MARCHF1: variants seen among roughly 807,000 people sequenced by gnomAD.
The protein encoded by MARCHF1 is membrane associated ring-CH-type finger 1, also known as E3 ubiquitin-protein ligase MARCHF1.
A neutral mutation model predicts 54.2 loss-of-function variants in MARCHF1; 40 were observed. The observed-to-expected ratio is 0.74, with a 90% confidence interval of 0.57 to 0.96. MARCHF1 has a LOEUF of 0.96. Ranked by LOEUF, MARCHF1 falls within the 40% of genes least tolerant of loss-of-function variation. The pLI, the probability that MARCHF1 is intolerant of heterozygous loss-of-function variation, is 0.00. For synonymous variants in MARCHF1, 236 were observed against 236.3 expected, an observed-to-expected ratio of 1.00 and a Z score of 0.01; for missense variants, 586 against 656.5, an observed-to-expected ratio of 0.89 and a Z score of 1.17.
intron 8 of MARCHF1, among the ~76,000 whole-genome samples, chr4:163,582,278 T>G (rs1270562182): frequency 6.6e-6 from 1 of 152,208 alleles, no homozygotes; most frequent in Non-Finnish European, 1.5e-5. Context: ...AATGAGACTT[T>G]TATTAAGTAT....
rs58808830 is a variant in MARCHF1 at position 164,340,405 on chromosome 4, T to TTATATACATATATATATATA, written c.-323+43464_-323+43465insTATATATATATATGTATATA. The stretch of plus-strand genomic sequence containing the variant: ...ACAGCACATGCCACCAGGCCTTGAT[T>TTATATACATATATATATATA]TATATATAGATATATATATATATAT... On this transcript the variant is annotated intron_variant, in intron 1 of 9. Transcript: ENST00000514618. Among the ~76,000 whole-genome samples the TTATATACATATATATATATA allele has an allele frequency of 1.3e-3, 122 of 95,622 alleles. 2 individuals are homozygous for TTATATACATATATATATATA. The highest frequency in any genetic ancestry group is 4.0e-3 in the African/African-American group (111 of 27,850). The allele number at this position is 95,622 out of a possible 152,430, so 62.7% of individuals were successfully genotyped here.
intron 1 of MARCHF1, among the ~76,000 whole-genome samples, chr4:164,322,417 T>C (rs868660164): frequency 6.6e-6 from 1 of 151,944 alleles, no homozygotes; most frequent in Non-Finnish European, 1.5e-5. Context: ...ATTTAGTTTT[T>C]TGAGGAAAGT....
At chr4:163,718,278 G>A (rs1007842089) in intron 4 of MARCHF1, among the ~76,000 whole-genome samples, 2 of 152,084 alleles carry the variant, frequency 1.3e-5, no homozygotes, top group African/African-American at 4.8e-5. Flanking sequence ...AAAAGCAATG[G>A]CAACAAAAGC....
intron 8 of MARCHF1, among the ~76,000 whole-genome samples, chr4:163,564,026 A>G (rs28415852): frequency 1.1e-3 from 175 of 152,328 alleles, no homozygotes; most frequent in African/African-American, 4.0e-3. Flanking sequence ...TTAGAAGCAA[A>G]TGATCTTCCC....
At chr4:163,684,299 G>C (rs544173096) in intron 5 of MARCHF1, among the ~76,000 whole-genome samples, 28 of 152,232 alleles carry the variant, frequency 1.8e-4, no homozygotes, top group African/African-American at 6.0e-4. Flanking sequence ...AGGAGCTCTA[G>C]AAAAATCATG....
intron 2 of MARCHF1, among the ~76,000 whole-genome samples, chr4:163,997,463 C>T (rs1055522020): frequency 4.6e-5 from 7 of 151,946 alleles, no homozygotes; most frequent in East Asian, 1.9e-4. Flanking sequence ...GGGCTACTCT[C>T]GTAGTACCAA....
intron 1 of MARCHF1, among the ~76,000 whole-genome samples, chr4:164,320,854 C>A (rs1484767376): frequency 6.6e-6 from 1 of 152,102 alleles, no homozygotes; most frequent in Non-Finnish European, 1.5e-5. Flanking sequence ...GGGGAGGTGA[C>A]CTCTGCTCCG....
chr4:163,834,910 CTTG>C (rs148235759), intron 4 of MARCHF1, among the ~76,000 whole-genome samples: 5,278 of 151,848 alleles, frequency 0.035, 455 homozygotes, highest in East Asian at 0.29. Flanking sequence ...GAGATGGGGT[CTTG>C]TTCTGTTGGC....
At chr4:164,259,547 AAAAAAAAAAAAAAAAAAAG>A (rs1733394525) in intron 1 of MARCHF1, among the ~76,000 whole-genome samples, 3 of 132,266 alleles carry the variant, frequency 2.3e-5, no homozygotes, top group African/African-American at 6.2e-5. Flanking sequence ...CGTGTCTCAA[AAAAAAAAAAAAAAAAAAAG>A]AAAAAAGAAA....
At chr4:164,064,330 T>C (rs1754683383) in intron 2 of MARCHF1, among the ~76,000 whole-genome samples, 1 of 152,204 alleles carries the variant, frequency 6.6e-6, no homozygotes, top group Non-Finnish European at 1.5e-5. Context: ...TATCATCTCT[T>C]ACTTCTTTGG....
At chr4:163,545,987 T>TGTGTA (rs1311465831) in intron 8 of MARCHF1, among the ~76,000 whole-genome samples, 2 of 148,300 alleles carry the variant, frequency 1.3e-5, no homozygotes, top group East Asian at 4.0e-4. Context: ...GTGTGTGTAT[T>TGTGTA]TTTTTGAGAC....
intron 1 of MARCHF1, among the ~76,000 whole-genome samples, chr4:164,172,549 C>A (rs111511772): frequency 6.6e-6 from 1 of 151,918 alleles, no homozygotes; most frequent in Admixed American, 6.6e-5. Flanking sequence ...GATCCCCACA[C>A]AAGAATTCTT....
At chr4:164,222,897 A>C (rs992614402) in intron 1 of MARCHF1, among the ~76,000 whole-genome samples, 4 of 152,090 alleles carry the variant, frequency 2.6e-5, no homozygotes, top group African/African-American at 4.8e-5. Flanking sequence ...TGGGTAATTT[A>C]TAAAGTAAAG....
intron 1 of MARCHF1, among the ~76,000 whole-genome samples, chr4:164,119,342 GA>G (rs1289336525): frequency 2.7e-5 from 4 of 149,710 alleles, no homozygotes; most frequent in African/African-American, 9.8e-5. Context: ...GAATCTATAG[GA>G]TTATATAGTA....
intron 3 of MARCHF1, among the ~76,000 whole-genome samples, chr4:163,903,997 C>A (rs936179702): frequency 6.6e-6 from 1 of 152,128 alleles, no homozygotes; most frequent in Non-Finnish European, 1.5e-5. Context: ...GTGCTTAAAA[C>A]AAGTTGGTTC....
At chr4:163,853,256 T>A (rs1035209112) in intron 4 of MARCHF1, among the ~76,000 whole-genome samples, 1 of 152,104 alleles carries the variant, frequency 6.6e-6, no homozygotes, top group African/African-American at 2.4e-5. Context: ...TGCTAATAAA[T>A]CAGGCTAATC....
chr4:164,236,245 C>T (rs1220315392), intron 1 of MARCHF1, among the ~76,000 whole-genome samples: 1 of 152,056 alleles, frequency 6.6e-6, no homozygotes, highest in Non-Finnish European at 1.5e-5. Context: ...GTTAGGTTTC[C>T]ACAGCAGCTG....
In MARCHF1 at chr4:163,818,493, CA is replaced by C. The variant is rs552906005; in HGVS notation, c.111+35527del. 1.9e-3 allele frequency among the ~76,000 whole-genome samples: 284 copies of C among 152,232 alleles called. 1 individual carries two copies. Among genetic ancestry groups the C allele is most frequent in the African/African-American group, 6.1e-3 (255 of 41,540 alleles). On this transcript the variant is annotated intron_variant, in intron 4 of 9. Transcript: ENST00000514618. ...TATAAGGCATGTATACCATAACATT[CA>C]TTTTATAAAGTTGAAATTGTGGTTA...
intron 4 of MARCHF1, among the ~76,000 whole-genome samples, chr4:163,850,015 T>C (rs183037024): frequency 1.3e-5 from 2 of 152,282 alleles, no homozygotes; most frequent in African/African-American, 2.4e-5. Context: ...TTTGGTTGGG[T>C]TCTGCCAATG....
Sources: allele counts gnomAD v4.1 joint callset (sites outside exome capture counted in the v4.1 genomes callset), GRCh38; gene constraint gnomAD v4.1.1; transcripts MANE v1.5; gene names NCBI Gene and HGNC (gene_info 2026-07-23, HGNC 2026-07-21).